Variants in TSHR observed in about 807,000 individuals in gnomAD.
TSHR encodes the protein thyrotropin receptor.
Under a neutral mutation model 64.1 loss-of-function variants are expected in TSHR, and 51 were observed. That is an observed-to-expected ratio of 0.80 (90% CI 0.64 to 1.01). The LOEUF (loss-of-function observed/expected upper bound fraction) is 1.01. Ranked by LOEUF, TSHR falls within the 50% of genes least tolerant of loss-of-function variation. The probability of loss-of-function intolerance (pLI) is 0.00; values close to 1 mark genes in which losing one functional copy is unlikely to be tolerated. For synonymous variants in TSHR, 361 were observed against 361.9 expected (o/e 1.00, Z 0.03); for missense variants, 877 against 942.8 (o/e 0.93, Z 0.91).
intron 8 of TSHR, among the ~76,000 whole-genome samples, chr14:81,124,674 A>T (rs930916480): frequency 6.6e-6 from 1 of 151,986 alleles, no homozygotes; most frequent in Non-Finnish European, 1.5e-5. Flanking sequence ...CCAGCAAGGT[A>T]TGAGCATTTT....
chr14:81,033,968 T>C (rs147459295), intron 1 of TSHR, among the ~76,000 whole-genome samples: 123 of 152,288 alleles, frequency 8.1e-4, no homozygotes, highest in Non-Finnish European at 1.6e-3. Flanking sequence ...GCAGAAACAT[T>C]GTACCAATAG....
intron 1 of TSHR, among the ~76,000 whole-genome samples, chr14:81,048,492 G>T (rs1325913355): frequency 6.6e-6 from 1 of 152,102 alleles, no homozygotes; most frequent in Non-Finnish European, 1.5e-5. Flanking sequence ...TCTGATGAGT[G>T]CAGGGGTGTA....
chr14:81,121,668 AC>A (rs1246955670), intron 8 of TSHR, among the ~76,000 whole-genome samples: 1 of 152,132 alleles, frequency 6.6e-6, no homozygotes, highest in African/African-American at 2.4e-5. Flanking sequence ...TTGGCTGGGC[AC>A]GGTGTATCAT....
intron 8 of TSHR, among the ~76,000 whole-genome samples, chr14:81,111,893 T>A (rs908108960): frequency 2.0e-5 from 3 of 152,224 alleles, no homozygotes; most frequent in Admixed American, 6.5e-5. Context: ...AGCAATCATA[T>A]TTTAAAGATA....
At chr14:81,076,677 T>C (rs557885853) in intron 3 of TSHR, among the ~76,000 whole-genome samples, 18 of 152,292 alleles carry the variant, frequency 1.2e-4, no homozygotes, top group Non-Finnish European at 1.9e-4. Context: ...TTGATTCTAC[T>C]ACCCTAATAT....
At chr14:80,958,529 A>C (rs564486594) in intron 1 of TSHR, among the ~76,000 whole-genome samples, 12 of 152,282 alleles carry the variant, frequency 7.9e-5, no homozygotes, top group African/African-American at 1.4e-4. Flanking sequence ...TATTCATCAG[A>C]TGCAAGAACT....
At chr14:81,115,797 T>A (rs560489744) in intron 8 of TSHR, among the ~76,000 whole-genome samples, 11 of 151,756 alleles carry the variant, frequency 7.2e-5, no homozygotes, top group African/African-American at 2.7e-4. Flanking sequence ...CGGGTTACCC[T>A]CAAAGGGAAG....
At chr14:81,084,318 GTTTTTA>G (rs879818061) in intron 3 of TSHR, among the ~76,000 whole-genome samples, 1 of 150,488 alleles carries the variant, frequency 6.6e-6, no homozygotes, top group Non-Finnish European at 1.5e-5. Context: ...TTACTTTTTT[GTTTTTA>G]AAGTTTGAGA....
intron 1 of TSHR, among the ~76,000 whole-genome samples, chr14:80,957,411 GCCATTCAA>G (rs1017833554): frequency 4.4e-4 from 67 of 151,674 alleles, no homozygotes; most frequent in African/African-American, 1.5e-3. Flanking sequence ...ATAGGGAACT[GCCATTCAA>G]CCCCGAATTC....
intron 1 of TSHR, among the ~76,000 whole-genome samples, chr14:80,962,829 A>T (rs74405273): frequency 6.6e-6 from 1 of 152,190 alleles, no homozygotes. Context: ...ATTGTTTTGC[A>T]TTGCTACAAT....
At chr14:81,108,500 T>TTTTTTTTTCTTTTTA in intron 8 of TSHR, 48 bp downstream of exon 8, 1 of 1,014,064 alleles carries the variant, frequency 9.9e-7, no homozygotes, top group Non-Finnish European at 1.4e-6. Context: ...TTTTCTTTTT[T>TTTTTTTTTCTTTTTA]TTTTTTTGGA....
intron 2 of TSHR, 74 bp from the exon 3 acceptor site, chr14:81,068,180 T>G: frequency 7.0e-7 from 1 of 1,427,808 alleles, no homozygotes; most frequent in African/African-American, 1.4e-5. Flanking sequence ...CAAAAAGTTA[T>G]GTCAAAAATA....
intron 1 of TSHR, among the ~76,000 whole-genome samples, chr14:81,055,050 G>A (rs1477396977): frequency 6.6e-6 from 1 of 152,078 alleles, no homozygotes; most frequent in Non-Finnish European, 1.5e-5. Flanking sequence ...AGGAAAAAAT[G>A]GCATGGTGGG....
chr14:81,108,777 A>G, intron 8 of TSHR: 10 of 1,596,796 alleles, frequency 6.3e-6, no homozygotes, highest in South Asian at 1.1e-5. Context: ...AAGATCCACA[A>G]CTAGATGGAA....
intron 1 of TSHR, among the ~76,000 whole-genome samples, chr14:81,041,210 C>T (rs1295362372): frequency 2.0e-5 from 3 of 152,058 alleles, no homozygotes; most frequent in Non-Finnish European, 2.9e-5. Context: ...CTTATAAAGA[C>T]ATGGCACACA....
chr14:80,976,108 T>A (rs2139711281), intron 1 of TSHR, among the ~76,000 whole-genome samples: 1 of 152,318 alleles, frequency 6.6e-6, no homozygotes, highest in South Asian at 2.1e-4. Flanking sequence ...AGACGGGGTT[T>A]CACCGTGTTA....
chr14:80,983,415 A>G, intron 1 of TSHR: 2 of 1,211,500 alleles, frequency 1.7e-6, no homozygotes, highest in Non-Finnish European at 2.3e-6. Context: ...TATATCTGAA[A>G]ATCCAACTGC....
chr14:81,102,914 T>C (rs574014951), intron 7 of TSHR: 529 of 985,314 alleles, frequency 5.4e-4, no homozygotes, highest in Non-Finnish European at 5.9e-4. Flanking sequence ...GATCCAATCA[T>C]AATAGAAAAC....
chr14:80,990,870 G>C (rs372366093), intron 1 of TSHR, among the ~76,000 whole-genome samples: 1 of 152,126 alleles, frequency 6.6e-6, no homozygotes, highest in Admixed American at 6.5e-5. Context: ...GGCCAGGCTG[G>C]TCTCGAACTC....
Sources: allele counts gnomAD v4.1 joint callset (sites outside exome capture counted in the v4.1 genomes callset), GRCh38; gene constraint gnomAD v4.1.1; transcripts MANE v1.5; gene names NCBI Gene and HGNC (gene_info 2026-07-23, HGNC 2026-07-21).